Variants in ARID1A observed in about 807,000 individuals in gnomAD.
ARID1A encodes AT-rich interaction domain 1A.
In ARID1A, 20 loss-of-function variants were observed where a neutral mutation model predicts 212.6. The ratio of observed to expected loss-of-function variants is 0.09; its 90% CI spans 0.07 to 0.14. The LOEUF (loss-of-function observed/expected upper bound fraction) is 0.14. Ranked by LOEUF, ARID1A falls within the 10% of genes least tolerant of loss-of-function variation. The pLI is 1.00. For synonymous variants in ARID1A, 1,376 were observed against 1,222.1 expected (o/e 1.13, Z -2.63); for missense variants, 2,587 against 3,059.0 (o/e 0.85, Z 3.64).
At chr1:26,746,522 TA>T (rs1255192311) in intron 4 of ARID1A, among the ~76,000 whole-genome samples, 2 of 152,204 alleles carry the variant, frequency 1.3e-5, no homozygotes, top group Admixed American at 6.5e-5. Flanking sequence ...TAGAAACCAC[TA>T]GGGTCCTTTA....
At position 26,781,638 on chromosome 1, in the gene ARID1A, A is replaced by T. The variant is rs2081196656; in HGVS notation, c.*882A>T. On this transcript the variant is annotated 3_prime_UTR_variant, in exon 20 of 20. Transcript: ENST00000324856. ...ATATATATGACGTTGTACATTGCAC[A>T]TACCCTTGGATCCCCACAGTTTGGT... The T allele has an allele frequency of 4.3e-6, 1 of 233,738 alleles. No homozygotes were observed. Among genetic ancestry groups the T allele is most frequent in the Admixed American group, 5.6e-5 (1 of 17,810 alleles). The allele number at this position is 233,738 out of a possible 1,614,324, so 14.5% of individuals were successfully genotyped here.
chr1:26,767,912 C>T lies in ARID1A; in HGVS notation c.3111C>T (p.Gly1037=), dbSNP rs1473021835. The change falls in exon 11 of 20, where the codon GGC becomes GGT. Residue 1037 remains glycine, a synonymous_variant. Coordinates refer to ENST00000324856, the MANE Select transcript of ARID1A (RefSeq NM_006015.6). ...CCTTCACTGAGGAGAAGGCCATGGG[C>T]ATGACAAATCTGCCTGCTGTGGGTA... ...YLAFTEEKAM[G]MTNLPAVGRK... is the part of the protein sequence containing the mutation. The T allele has an allele frequency of 1.2e-6, 2 of 1,614,146 alleles. No homozygotes were observed. Among genetic ancestry groups the T allele is most frequent in the Non-Finnish European group, 1.7e-6 (2 of 1,180,004 alleles).
intron 4 of ARID1A, among the ~76,000 whole-genome samples, chr1:26,749,957 A>G (rs1213503056): frequency 6.6e-6 from 1 of 152,240 alleles, no homozygotes; most frequent in African/African-American, 2.4e-5. Context: ...GGTTGTGTCT[A>G]AAGAGGATGC....
At chr1:26,744,941 G>T (rs1477133656) in intron 4 of ARID1A, among the ~76,000 whole-genome samples, 1 of 151,854 alleles carries the variant, frequency 6.6e-6, no homozygotes, top group Non-Finnish European at 1.5e-5. Flanking sequence ...AAGGCCTAAG[G>T]CTCCCCCCTC....
At chr1:26,769,468 C>T (rs1443041014) in intron 11 of ARID1A, 1 of 152,214 alleles carries the variant, frequency 6.6e-6, no homozygotes, top group Non-Finnish European at 1.5e-5. Flanking sequence ...GGAAGAGTGG[C>T]CAATCCAGTA....
At chr1:26,709,950 G>A (rs1357942190) in intron 1 of ARID1A, among the ~76,000 whole-genome samples, 2 of 151,246 alleles carry the variant, frequency 1.3e-5, no homozygotes, top group Admixed American at 1.3e-4. Flanking sequence ...TCCTGCCTCA[G>A]CCTCCCGAGT....
intron 11 of ARID1A, among the ~76,000 whole-genome samples, chr1:26,768,269 A>G (rs2081055609): frequency 1.3e-5 from 2 of 152,200 alleles, no homozygotes; most frequent in Non-Finnish European, 2.9e-5. Context: ...GTCTGTGGGC[A>G]TTCTGATTCC....
chr1:26,781,000 T>A lies in ARID1A; in HGVS notation c.*244T>A. 1 of 420,026 alleles carries A rather than the reference T, an allele frequency of 2.4e-6. No individual in the cohort carries two copies. Among genetic ancestry groups the A allele is most frequent in the Non-Finnish European group, 4.2e-6 (1 of 240,870 alleles). 26.0% of individuals were successfully genotyped at this position (420,026 alleles called of 1,614,324 possible). A position where few individuals can be genotyped will look rare whatever the true frequency, so the allele number is the denominator to read the frequency against. ...CTCCCCTCAGGACCCTACCCCACCC[T>A]CTTTGAAAAGACAAAGCTCTGCCTA... is the stretch of plus-strand genomic sequence containing the variant. On this transcript the variant is annotated 3_prime_UTR_variant, in exon 20 of 20. Transcript: ENST00000324856. This position sits in a 1 kb window ranked among gnomAD's most constrained non-coding sequence, Gnocchi z 7.2.
chr1:26,724,803 C>T (rs2080601288), intron 1 of ARID1A, among the ~76,000 whole-genome samples: 1 of 152,170 alleles, frequency 6.6e-6, no homozygotes, highest in Non-Finnish European at 1.5e-5. Context: ...GGTCTGTCTG[C>T]TAGCTGTTTG....
At position 26,777,175 on chromosome 1, in the gene ARID1A, T is replaced by C. The variant is rs2081144307; in HGVS notation, c.5124+1468T>C. On this transcript the variant is annotated intron_variant, in intron 19 of 19. Coordinates refer to ENST00000324856, the MANE Select transcript of ARID1A (RefSeq NM_006015.6). ...AAACTCCTGGGCTCAAGCGATCCTC[T>C]TGCCTCAGTCTCCTGAGTAGCTGGG... Among the ~76,000 whole-genome samples, 5 of 151,030 alleles carry C rather than the reference T, an allele frequency of 3.3e-5. No individual in the cohort carries two copies. The South Asian group carries it at 1.1e-3, about 32-fold the overall frequency.
At chr1:26,749,544 C>A (rs2080866936) in intron 4 of ARID1A, among the ~76,000 whole-genome samples, 1 of 152,170 alleles carries the variant, frequency 6.6e-6, no homozygotes, top group African/African-American at 2.4e-5. Flanking sequence ...CACAGGAATG[C>A]AAGCAGCCCA....
At chr1:26,728,517 C>T (rs1403419324) in intron 1 of ARID1A, among the ~76,000 whole-genome samples, 1 of 152,120 alleles carries the variant, frequency 6.6e-6, no homozygotes, top group Non-Finnish European at 1.5e-5. Flanking sequence ...ATAACCTAGA[C>T]CAGTCCTGGG....
At chr1:26,768,596 C>T (rs1367534719) in intron 11 of ARID1A, among the ~76,000 whole-genome samples, 8 of 152,146 alleles carry the variant, frequency 5.3e-5, no homozygotes, top group African/African-American at 1.7e-4. Context: ...ATTTCAGGAA[C>T]TGCTTAGTAG....
chr1:26,763,644 C>T (rs1447603785), intron 8 of ARID1A, among the ~76,000 whole-genome samples: 1 of 152,222 alleles, frequency 6.6e-6, no homozygotes, highest in Non-Finnish European at 1.5e-5. Context: ...GTGGCGCACG[C>T]CTGTAATCCC....
At position 26,773,737 on chromosome 1, in the gene ARID1A, G is replaced by A. The variant is rs749866495; in HGVS notation, c.4004+20G>A. The A allele has an allele frequency of 1.2e-5, 19 of 1,614,182 alleles. No homozygotes were observed. Among genetic ancestry groups the A allele is most frequent in the Admixed American group, 1.0e-4 (6 of 60,024 alleles). On this transcript the variant is annotated intron_variant, in intron 16 of 19. Transcript: ENST00000324856. ...GCAACGGTGAGTAAAGCCTGGTCTCGGTGCTGCTATGGATCAGGCTTCGCC... is the reference window on the plus strand; with the variant it reads ...GCAACGGTGAGTAAAGCCTGGTCTCAGTGCTGCTATGGATCAGGCTTCGCC...
intron 19 of ARID1A, 124 bp downstream of exon 19, chr1:26,775,831 A>G (rs1369610360): frequency 1.4e-6 from 2 of 1,448,314 alleles, no homozygotes; most frequent in Non-Finnish European, 1.9e-6. Context: ...CTTCCATGCC[A>G]GTACTTTGCT....
chr1:26,712,748 C>G (rs763302700), intron 1 of ARID1A, among the ~76,000 whole-genome samples: 2 of 152,186 alleles, frequency 1.3e-5, no homozygotes, highest in Non-Finnish European at 2.9e-5. Flanking sequence ...CACCTCATCT[C>G]TGCAGTGAAT....
chr1:26,764,931 T>A (rs2081024810), intron 8 of ARID1A: 1 of 152,220 alleles, frequency 6.6e-6, no homozygotes, highest in South Asian at 2.1e-4. Context: ...GTGCGGTGGC[T>A]CACTCCTGTA....
chr1:26,771,439 C>A lies in ARID1A; in HGVS notation c.3406+113C>A. On this transcript the variant is annotated intron_variant, in intron 12 of 19. Transcript: ENST00000324856. This position sits in a 1 kb window ranked among gnomAD's most constrained non-coding sequence, Gnocchi z 5.4. ...ACAGGATATGCCAAGGATCTGTGCT[C>A]TGCCTTGCCCTACCACAGGGCTTAA... 8.4e-7 allele frequency: 1 copy of A among 1,186,540 alleles called. No individual in the cohort carries two copies. The highest frequency in any genetic ancestry group is 1.2e-6 in the Non-Finnish European group (1 of 844,424). 73.5% of individuals were successfully genotyped at this position (1,186,540 alleles called of 1,614,324 possible).
Sources: gnomAD v4.1 joint callset for allele counts (sites outside exome capture counted in the v4.1 genomes callset) on GRCh38, gnomAD v4.1.1 for gene constraint, Gnocchi (gnomAD v3.1) non-coding constraint, MANE v1.5 for transcripts, NCBI Gene and HGNC (gene_info 2026-07-23, HGNC 2026-07-21) for gene names.